BAIAP2: variants seen among roughly 807,000 people sequenced by gnomAD.
BAIAP2 encodes BAR/IMD domain containing adaptor protein 2.
BAIAP2 carries 18 observed loss-of-function variants against 63.0 expected under a neutral mutation model. The ratio of observed to expected loss-of-function variants is 0.29; its 90% CI spans 0.20 to 0.42. BAIAP2 has a LOEUF of 0.42. Ranked by LOEUF, BAIAP2 falls within the 10% of genes least tolerant of loss-of-function variation. BAIAP2 has a pLI of 1.00. For missense variants in BAIAP2, 610 were observed against 734.3 expected, an observed-to-expected ratio of 0.83 and a Z score of 1.96; for synonymous variants, 386 against 307.6, an observed-to-expected ratio of 1.25 and a Z score of -2.67.
Position 81,117,296 on chromosome 17 carries a change from T to G in BAIAP2, c.*1457T>G, listed in dbSNP as rs1441680943. On this transcript the variant is annotated 3_prime_UTR_variant, in exon 14 of 14. Coordinates refer to ENST00000428708, the MANE Select transcript of BAIAP2 (RefSeq NM_001144888.2). Reference sequence around the variant, plus strand: ...ACCTCAGAAGACAACACACAAAGGTTTCTTTTGTCTTAGCTTCATTTCTCT... The same window carrying G: ...ACCTCAGAAGACAACACACAAAGGTGTCTTTTGTCTTAGCTTCATTTCTCT... 1.3e-5 allele frequency: 2 copies of G among 152,196 alleles called. No individual in the cohort carries two copies. Among genetic ancestry groups the G allele is most frequent in the Non-Finnish European group, 2.9e-5 (2 of 68,038 alleles). 9.4% of individuals were successfully genotyped at this position (152,196 alleles called of 1,614,324 possible).
intron 3 of BAIAP2, among the ~76,000 whole-genome samples, chr17:81,079,525 C>T (rs1598670768): frequency 6.6e-6 from 1 of 151,912 alleles, no homozygotes; most frequent in Non-Finnish European, 1.5e-5. Context: ...GATGCTCCTC[C>T]TCCTCCTCAC....
At chr17:81,048,603 T>C (rs981758986) in intron 1 of BAIAP2, among the ~76,000 whole-genome samples, 5 of 151,902 alleles carry the variant, frequency 3.3e-5, no homozygotes, top group African/African-American at 1.2e-4. Context: ...GTCTCCAGGC[T>C]GGCCAGCAGT....
intron 6 of BAIAP2, among the ~76,000 whole-genome samples, chr17:81,092,907 C>G (rs1226050674): frequency 1.3e-5 from 2 of 152,152 alleles, no homozygotes. Context: ...GGTCCAGCTC[C>G]TCCTTAGAAC....
Position 81,107,269 on chromosome 17 carries a change from A to AG in BAIAP2, c.1500+368dup, listed in dbSNP as rs537496959. 4.4e-4 allele frequency: 101 copies of AG among 232,090 alleles called. No individual in the cohort carries two copies. The South Asian group carries it at 9.7e-3, about 22-fold the overall frequency. 14.4% of individuals were successfully genotyped at this position (232,090 alleles called of 1,614,324 possible). ...GACGCCGCCGCCTTTTGGGAGAGCC[A>AG]GGGGGGCAGGATCTCTTCCGTGAGA... On this transcript the variant is annotated intron_variant, in intron 12 of 13. Coordinates refer to ENST00000428708, the MANE Select transcript of BAIAP2 (RefSeq NM_001144888.2).
intron 13 of BAIAP2, chr17:81,109,964 G>C: frequency 1.0e-6 from 1 of 985,440 alleles, no homozygotes; most frequent in Non-Finnish European, 1.2e-6. Context: ...GGAAACAGGC[G>C]GTTCCTGCCC....
chr17:81,106,630 C>T, intron 11 of BAIAP2, 115 bp from the exon 12 acceptor site: 2 of 1,267,304 alleles, frequency 1.6e-6, no homozygotes, highest in Non-Finnish European at 2.2e-6. Context: ...CTGAGAGCAG[C>T]CTCCCCGCAT....
intron 2 of BAIAP2, among the ~76,000 whole-genome samples, chr17:81,055,569 G>GTTTTTTTTTTTTTTTTTTTTTTT (rs1555657837): frequency 9.6e-5 from 9 of 94,216 alleles, no homozygotes; most frequent in Non-Finnish European, 1.7e-4. Context: ...TCTGCAGGGT[G>GTTTTTTTTTTTTTTTTTTTTTTT]TTTTGTTTTT....
intron 1 of BAIAP2, among the ~76,000 whole-genome samples, chr17:81,040,403 C>T (rs1262740059): frequency 6.6e-6 from 1 of 152,244 alleles, no homozygotes; most frequent in African/African-American, 2.4e-5. Flanking sequence ...CTTCCACCTC[C>T]CCCGAGCGCT....
chr17:81,068,701 A>G (rs2051982780), intron 3 of BAIAP2, among the ~76,000 whole-genome samples: 1 of 152,050 alleles, frequency 6.6e-6, no homozygotes. Flanking sequence ...TACTGCAGAG[A>G]AGGCCACCTC....
chr17:81,097,951 C>G (rs1183962382), intron 6 of BAIAP2, among the ~76,000 whole-genome samples: 1 of 152,192 alleles, frequency 6.6e-6, no homozygotes, highest in Non-Finnish European at 1.5e-5. Context: ...ATCCAGGGTC[C>G]CAGTCGAGCC....
intron 1 of BAIAP2, among the ~76,000 whole-genome samples, chr17:81,040,462 G>C (rs1379428211): frequency 3.3e-5 from 5 of 152,234 alleles, no homozygotes; most frequent in Non-Finnish European, 7.3e-5. Flanking sequence ...ACAATGACTT[G>C]AGGGGCCTCA....
intron 1 of BAIAP2, among the ~76,000 whole-genome samples, chr17:81,040,573 C>T (rs554507006): frequency 9.2e-5 from 14 of 152,382 alleles, no homozygotes; most frequent in African/African-American, 2.2e-4. Context: ...GGGCATGGAA[C>T]GGCGGCCAGC....
At chr17:81,042,239 C>T (rs2047185774) in intron 1 of BAIAP2, among the ~76,000 whole-genome samples, 1 of 148,956 alleles carries the variant, frequency 6.7e-6, no homozygotes, top group African/African-American at 2.5e-5. Context: ...AACTCCTAGG[C>T]TTATACAGTC....
At chr17:81,105,092 C>T (rs564471603) in intron 10 of BAIAP2, 18 of 171,162 alleles carry the variant, frequency 1.1e-4, no homozygotes, top group African/African-American at 3.1e-4. Flanking sequence ...CTCCCCCCAG[C>T]GGCAGGGGTC....
intron 3 of BAIAP2, among the ~76,000 whole-genome samples, chr17:81,068,655 G>A (rs1209289262): frequency 2.0e-5 from 3 of 152,302 alleles, no homozygotes; most frequent in South Asian, 2.1e-4. Context: ...CCCTGTCCCC[G>A]CTTCCCTGCC....
chr17:81,068,801 A>G (rs1469046166), intron 3 of BAIAP2, among the ~76,000 whole-genome samples: 2 of 152,136 alleles, frequency 1.3e-5, no homozygotes, highest in Non-Finnish European at 2.9e-5. Flanking sequence ...ATGGGGGGCC[A>G]TATCTGGTTG....
At chr17:81,055,187 C>A (rs2049269545) in intron 2 of BAIAP2, among the ~76,000 whole-genome samples, 1 of 152,148 alleles carries the variant, frequency 6.6e-6, no homozygotes, top group African/African-American at 2.4e-5. Flanking sequence ...AGTTGGTCAG[C>A]CCTCGTTCCT....
At chr17:81,068,414 G>C (rs60945400) in intron 3 of BAIAP2, among the ~76,000 whole-genome samples, 18 of 152,364 alleles carry the variant, frequency 1.2e-4, no homozygotes, top group African/African-American at 4.3e-4. Context: ...TGTCTGAGGG[G>C]GTCTGTCCCC....
At chr17:81,059,283 C>G (rs1459992605) in intron 3 of BAIAP2, among the ~76,000 whole-genome samples, 3 of 152,224 alleles carry the variant, frequency 2.0e-5, no homozygotes, top group Non-Finnish European at 2.9e-5. Context: ...GTCCCCGGGC[C>G]TCCGCAGACT....
Sources: allele counts gnomAD v4.1 joint callset (sites outside exome capture counted in the v4.1 genomes callset), GRCh38; gene constraint gnomAD v4.1.1; transcripts MANE v1.5; gene names NCBI Gene and HGNC (gene_info 2026-07-23, HGNC 2026-07-21).